Variants in FRMD6 observed in about 807,000 individuals in gnomAD.
FRMD6 encodes the protein FERM domain containing 6, also known as FERM domain-containing protein 6.
Under a neutral mutation model 73.2 loss-of-function variants are expected in FRMD6, and 37 were observed. The ratio of observed to expected loss-of-function variants is 0.51; its 90% CI spans 0.39 to 0.66. The LOEUF (loss-of-function observed/expected upper bound fraction) is 0.66, where lower values mean the gene tolerates loss of function less well. Ranked by LOEUF, FRMD6 falls within the 30% of genes least tolerant of loss-of-function variation. The probability of loss-of-function intolerance (pLI) is 0.00; values close to 1 mark genes in which losing one functional copy is unlikely to be tolerated. For synonymous variants in FRMD6, 273 were observed against 282.2 expected, an observed-to-expected ratio of 0.97 and a Z score of 0.33; for missense variants, 714 against 780.5, an observed-to-expected ratio of 0.91 and a Z score of 1.02.
At chr14:51,595,258 G>C (rs1173288752) in intron 2 of FRMD6, among the ~76,000 whole-genome samples, 1 of 152,156 alleles carries the variant, frequency 6.6e-6, no homozygotes, top group East Asian at 1.9e-4. Flanking sequence ...CCACTTTTAG[G>C]CTAAGGCATT....
At chr14:51,434,319 AT>A in the FRMD6 span, among the ~76,000 whole-genome samples, 2 of 152,172 alleles carry the variant, frequency 1.3e-5, no homozygotes, top group Non-Finnish European at 2.9e-5. Context: ...CCATTCTTCA[AT>A]AAAAGGAACC....
chr14:51,414,032 C>T, the FRMD6 span, among the ~76,000 whole-genome samples: 1 of 152,132 alleles, frequency 6.6e-6, no homozygotes, highest in Non-Finnish European at 1.5e-5. Flanking sequence ...TGTTTAAGCC[C>T]TTTGTAGATT....
At chr14:51,406,973 A>C in the FRMD6 span, among the ~76,000 whole-genome samples, 1 of 152,152 alleles carries the variant, frequency 6.6e-6, no homozygotes, top group Non-Finnish European at 1.5e-5. Context: ...TGTATCAGAC[A>C]AACTTGATAA....
At chr14:51,670,867 G>A (rs1350900668) in intron 1 of FRMD6, among the ~76,000 whole-genome samples, 2 of 152,112 alleles carry the variant, frequency 1.3e-5, no homozygotes, top group African/African-American at 2.4e-5. Flanking sequence ...GGCTGGTCTC[G>A]AATTCCTGAC....
chr14:51,451,162 T>C, the FRMD6 span, among the ~76,000 whole-genome samples: 3 of 152,300 alleles, frequency 2.0e-5, no homozygotes, highest in South Asian at 4.1e-4. Flanking sequence ...CCTGTGTAGA[T>C]ACCTACATAA....
At chr14:51,700,464 A>AT (rs1160873211) in intron 3 of FRMD6, among the ~76,000 whole-genome samples, 1 of 151,990 alleles carries the variant, frequency 6.6e-6, no homozygotes, top group Non-Finnish European at 1.5e-5. Flanking sequence ...TTTCCATGAA[A>AT]TTGATCCCAA....
intron 1 of FRMD6, among the ~76,000 whole-genome samples, chr14:51,552,221 T>C (rs2139444735): frequency 6.6e-6 from 1 of 152,372 alleles, no homozygotes; most frequent in Non-Finnish European, 1.5e-5. Flanking sequence ...GAGATTAAGA[T>C]AGATCTTTAC....
At chr14:51,684,027 T>C (rs1894986466) in intron 1 of FRMD6, among the ~76,000 whole-genome samples, 1 of 152,186 alleles carries the variant, frequency 6.6e-6, no homozygotes, top group Admixed American at 6.5e-5. Flanking sequence ...TCAACTACTT[T>C]CTTTATAGGT....
chr14:51,459,882 C>CTTTTTTTTTTTTTTTTTT, the FRMD6 span, among the ~76,000 whole-genome samples: 6 of 23,428 alleles, frequency 2.6e-4, 1 homozygote, highest in African/African-American at 1.1e-3. Flanking sequence ...ATTACTGACT[C>CTTTTTTTTTTTTTTTTTT]TCTTTTTTTT....
intron 1 of FRMD6, among the ~76,000 whole-genome samples, chr14:51,548,119 T>C (rs1253579713): frequency 3.3e-5 from 5 of 152,192 alleles, no homozygotes; most frequent in African/African-American, 1.2e-4. Context: ...CAGACATTAG[T>C]GGGATCTTGG....
intron 5 of FRMD6, among the ~76,000 whole-genome samples, chr14:51,704,314 A>T (rs1896499770): frequency 6.6e-6 from 1 of 152,100 alleles, no homozygotes; most frequent in South Asian, 2.1e-4. Context: ...AATAAAAAGA[A>T]CAGCAAAACA....
chr14:51,414,033 T>A, the FRMD6 span, among the ~76,000 whole-genome samples: 1 of 152,176 alleles, frequency 6.6e-6, no homozygotes, highest in Non-Finnish European at 1.5e-5. Flanking sequence ...GTTTAAGCCC[T>A]TTGTAGATTC....
At chr14:51,587,116 T>A (rs1346646595) in intron 2 of FRMD6, among the ~76,000 whole-genome samples, 1 of 152,208 alleles carries the variant, frequency 6.6e-6, no homozygotes, top group Non-Finnish European at 1.5e-5. Flanking sequence ...TGCATGTGGC[T>A]ATGCAATTTT....
In FRMD6 at chr14:51,690,048, G is replaced by A. The variant is rs1488119186; in HGVS notation, c.99+113G>A. On this transcript the variant is annotated intron_variant, in intron 2 of 13. Coordinates refer to ENST00000344768, the MANE Select transcript of FRMD6 (RefSeq NM_001267046.2). ...TTTACAGAATTAGGGCAGTAATCAT[G>A]TGGCAGAATTGGGTTGTCAAATAGT... is the stretch of plus-strand genomic sequence containing the variant. The A allele has an allele frequency of 3.0e-5, 23 of 754,408 alleles. No homozygotes were observed. The South Asian group carries it at 3.5e-4, about 12-fold the overall frequency. The allele number at this position is 754,408 out of a possible 1,614,324, so 46.7% of individuals were successfully genotyped here.
chr14:51,459,210 A>G, the FRMD6 span, among the ~76,000 whole-genome samples: 4 of 152,190 alleles, frequency 2.6e-5, no homozygotes, highest in African/African-American at 9.7e-5. Context: ...ACAAGGTCTC[A>G]TGCTGTTCAG....
chr14:51,417,839 T>A, the FRMD6 span, among the ~76,000 whole-genome samples: 1 of 152,208 alleles, frequency 6.6e-6, no homozygotes, highest in South Asian at 2.1e-4. Flanking sequence ...TCTTGGAGGC[T>A]TTGTTCATTT....
chr14:51,676,466 G>T (rs868782599), intron 1 of FRMD6, among the ~76,000 whole-genome samples: 2 of 152,260 alleles, frequency 1.3e-5, no homozygotes, highest in Middle Eastern at 3.4e-3. Flanking sequence ...TAAGTATGTG[G>T]TACATGGTGG....
intron 2 of FRMD6, among the ~76,000 whole-genome samples, chr14:51,594,495 A>G (rs1185386220): frequency 6.7e-6 from 1 of 149,938 alleles, no homozygotes; most frequent in African/African-American, 2.5e-5. Context: ...CGCCCGGCTA[A>G]TTTTATATTT....
At chr14:51,567,441 G>T (rs1887837970) in intron 1 of FRMD6, among the ~76,000 whole-genome samples, 1 of 152,068 alleles carries the variant, frequency 6.6e-6, no homozygotes, top group African/African-American at 2.4e-5. Context: ...CCAACTCCTG[G>T]GCTCCAGTCA....
Sources: allele counts gnomAD v4.1 joint callset (sites outside exome capture counted in the v4.1 genomes callset), GRCh38; gene constraint gnomAD v4.1.1; transcripts MANE v1.5; gene names NCBI Gene and HGNC (gene_info 2026-07-23, HGNC 2026-07-21).